Variants in ZNF354A observed in about 807,000 individuals in gnomAD.
ZNF354A encodes the protein zinc finger protein 354A, also known as epididymis luminal protein 104.
A neutral mutation model predicts 53.3 loss-of-function variants in ZNF354A; 25 were observed. That is an observed-to-expected ratio of 0.47 (90% CI 0.34 to 0.66). The LOEUF (loss-of-function observed/expected upper bound fraction) is 0.66, where lower values mean the gene tolerates loss of function less well. Among genes scored for constraint, ZNF354A ranks in the 30% least tolerant of loss-of-function variants. ZNF354A has a pLI of 0.01. For missense variants in ZNF354A, 586 were observed against 716.8 expected, an observed-to-expected ratio of 0.82 and a Z score of 2.08; for synonymous variants, 228 against 249.0, an observed-to-expected ratio of 0.92 and a Z score of 0.79.
intron 4 of ZNF354A, among the ~76,000 whole-genome samples, chr5:178,720,867 A>C (rs201226174): frequency 3.3e-5 from 5 of 151,944 alleles, no homozygotes; most frequent in Non-Finnish European, 7.4e-5. Flanking sequence ...TAGAATACCT[A>C]CACTAATAAG....
intron 1 of ZNF354A, among the ~76,000 whole-genome samples, chr5:178,730,041 A>G (rs1261852858): frequency 2.0e-5 from 3 of 151,276 alleles, no homozygotes; most frequent in African/African-American, 7.3e-5. Flanking sequence ...TTTTTTTTGT[A>G]TTTTTAGTAG....
At chr5:178,715,289 AAC>A (rs1765691558) in intron 4 of ZNF354A, among the ~76,000 whole-genome samples, 1 of 152,204 alleles carries the variant, frequency 6.6e-6, no homozygotes, top group South Asian at 2.1e-4. Flanking sequence ...CTGCTTAACA[AAC>A]ACAATACATC....
Position 178,712,943 on chromosome 5 carries a change from C to T in ZNF354A, c.935G>A (p.Gly312Asp). 1 of 1,613,992 alleles carries T rather than the reference C, an allele frequency of 6.2e-7. No homozygotes were observed. The highest frequency in any genetic ancestry group is 1.3e-5 in the African/African-American group (1 of 74,976). ...ECGKSFSRRS[G>D]LFIHQKIHAE... The stretch of plus-strand genomic sequence containing the variant: ...ATGAATTTTTTGATGTATAAAAAGG[C>T]CTGACCTTCGGCTGAAGGATTTACC... Residue 312 changes from glycine to aspartate, a missense_variant, in exon 5 of 5, where the codon GGC becomes GAC. Gly to Asp is a moderately conservative substitution (Grantham distance 94). This residue lies in a region of ZNF354A where 573 missense variants were observed against 680.1 expected (regional missense o/e 0.84). Transcript: ENST00000335815.
At chr5:178,717,706 G>A (rs139973438) in intron 4 of ZNF354A, among the ~76,000 whole-genome samples, 64 of 152,230 alleles carry the variant, frequency 4.2e-4, no homozygotes, top group African/African-American at 1.5e-3. Context: ...ATGTGGGTTT[G>A]ATTTAAAGCT....
intron 4 of ZNF354A, among the ~76,000 whole-genome samples, chr5:178,721,644 C>T (rs772845564): frequency 4.7e-5 from 7 of 150,476 alleles, no homozygotes; most frequent in Non-Finnish European, 8.8e-5. Flanking sequence ...GTGGACGTAC[C>T]ACAGTTTATC....
Position 178,725,416 on chromosome 5 carries a change from G to A in ZNF354A, c.216C>T (p.Pro72=). The A allele has an allele frequency of 6.2e-7, 1 of 1,614,148 alleles. No homozygotes were observed. Among genetic ancestry groups the A allele is most frequent in the African/African-American group, 1.3e-5 (1 of 75,046 alleles). ...VISLLQQGED[P]WEVEKDGSGV... Reference sequence around the variant, plus strand: ...CAGAACCGTCTTTCTCCACCTCCCAGGGATCTTCTCCTTGCTGCAACAGGG... The same window carrying A: ...CAGAACCGTCTTTCTCCACCTCCCAAGGATCTTCTCCTTGCTGCAACAGGG... Residue 72 remains proline (P), a synonymous_variant, in exon 4 of 5, where the codon CCC becomes CCT. Transcript: ENST00000335815.
chr5:178,720,206 G>A (rs1033929222), intron 4 of ZNF354A, among the ~76,000 whole-genome samples: 15 of 152,190 alleles, frequency 9.9e-5, no homozygotes, highest in African/African-American at 3.6e-4. Flanking sequence ...ATTGTACAGT[G>A]AATCTCCAGC....
chr5:178,722,308 C>T (rs776441507), intron 4 of ZNF354A, among the ~76,000 whole-genome samples: 1 of 152,082 alleles, frequency 6.6e-6, no homozygotes, highest in Non-Finnish European at 1.5e-5. Context: ...TTTTGAGGTA[C>T]TGTACTCCGA....
In ZNF354A at chr5:178,712,817, T is replaced by TAGG. The variant is rs369291384; in HGVS notation, c.1058_1060dup (p.Ser353dup). The TAGG allele has an allele frequency of 1.6e-3, 2,602 of 1,614,156 alleles. 25 individuals are homozygous for TAGG. The African/African-American group carries it at 0.026, about 16-fold the overall frequency. The stretch of plus-strand genomic sequence containing the variant: ...GGTGTTGCCACATTCATTACATAAG[T>TAGG]AGGACTTCTTTCTAGAATGAATTCT... On this transcript the variant is annotated inframe_insertion, in exon 5 of 5. Transcript: ENST00000335815.
intron 4 of ZNF354A, among the ~76,000 whole-genome samples, chr5:178,720,664 T>C (rs778979138): frequency 1.1e-4 from 16 of 152,236 alleles, no homozygotes; most frequent in Non-Finnish European, 1.6e-4. Context: ...AAATCTCTAC[T>C]GTTTTAAGCC....
chr5:178,728,635 C>CA (rs796696992), intron 2 of ZNF354A, among the ~76,000 whole-genome samples: 204 of 124,612 alleles, frequency 1.6e-3, no homozygotes, highest in African/African-American at 3.1e-3. Flanking sequence ...AATAAAAGCA[C>CA]AAAAAAAAAA....
chr5:178,719,150 T>A (rs1254982091), intron 4 of ZNF354A, among the ~76,000 whole-genome samples: 3 of 152,124 alleles, frequency 2.0e-5, no homozygotes, highest in Non-Finnish European at 4.4e-5. Flanking sequence ...CAAAAAGCAT[T>A]GGTCACGCCT....
At chr5:178,729,652 G>A (rs1331797102) in intron 1 of ZNF354A, among the ~76,000 whole-genome samples, 6 of 151,524 alleles carry the variant, frequency 4.0e-5, no homozygotes, top group African/African-American at 1.5e-4. Context: ...TCTGCCTCCC[G>A]GGTTCAAGCC....
At chr5:178,729,440 C>A (rs1765982870) in intron 1 of ZNF354A, 1 of 171,074 alleles carries the variant, frequency 5.8e-6, no homozygotes, top group African/African-American at 2.4e-5. Flanking sequence ...CGCTGCGAGG[C>A]GGGCCGGGAC....
At chr5:178,720,075 A>C (rs543758859) in intron 4 of ZNF354A, among the ~76,000 whole-genome samples, 37 of 152,360 alleles carry the variant, frequency 2.4e-4, no homozygotes, top group African/African-American at 8.7e-4. Flanking sequence ...ATTTGTAAAC[A>C]TCCTCTATCA....
At chr5:178,729,262 CT>C in intron 1 of ZNF354A, 189 bp from the exon 2 acceptor site, 1 of 606,414 alleles carries the variant, frequency 1.6e-6, no homozygotes, top group Non-Finnish European at 2.9e-6. Context: ...AGGCTTGGGG[CT>C]TACGGAGGGG....
chr5:178,728,782 C>CAAAAAAAAAAAA lies in ZNF354A; in HGVS notation c.33+196_33+207dup, dbSNP rs1157233878. ...ACTGCCTGGGCGACAAAGCGAGATTCAAAAAAAAAAAAAAAAAAGAGAACC... is the reference window on the plus strand; with the variant it reads ...ACTGCCTGGGCGACAAAGCGAGATTCAAAAAAAAAAAAAAAAAAAAAAAAAAAAAAGAGAACC... On this transcript the variant is annotated intron_variant, in intron 2 of 4. Coordinates refer to ENST00000335815, the MANE Select transcript of ZNF354A (RefSeq NM_005649.3). Among the ~76,000 whole-genome samples, 131 of 50,852 alleles carry CAAAAAAAAAAAA rather than the reference C, an allele frequency of 2.6e-3. 2 individuals are homozygous for CAAAAAAAAAAAA. The highest frequency in any genetic ancestry group is 9.1e-3 in the African/African-American group (97 of 10,660). The allele number at this position is 50,852 out of a possible 152,430, so 33.4% of individuals were successfully genotyped here.
At chr5:178,723,153 G>A (rs988518398) in intron 4 of ZNF354A, among the ~76,000 whole-genome samples, 1 of 152,214 alleles carries the variant, frequency 6.6e-6, no homozygotes, top group Admixed American at 6.5e-5. Flanking sequence ...AGATAAACAA[G>A]TGTGGTTCCC....
At chr5:178,717,198 C>A (rs1476123643) in intron 4 of ZNF354A, among the ~76,000 whole-genome samples, 2 of 151,922 alleles carry the variant, frequency 1.3e-5, no homozygotes, top group Non-Finnish European at 2.9e-5. Flanking sequence ...CTACGGGAAG[C>A]CACTGGGGAA....
Sources: allele counts gnomAD v4.1 joint callset (sites outside exome capture counted in the v4.1 genomes callset), GRCh38; gene constraint gnomAD v4.1.1; regional missense constraint gnomAD v4.1.1; transcripts MANE v1.5; gene names NCBI Gene and HGNC (gene_info 2026-07-23, HGNC 2026-07-21).